DIAPH2: variants seen among roughly 807,000 people sequenced by gnomAD.
The protein encoded by DIAPH2 is diaphanous related formin 2, also known as protein diaphanous homolog 2.
Under a neutral mutation model 92.7 loss-of-function variants are expected in DIAPH2, and 35 were observed. The observed-to-expected ratio is 0.38, with a 90% CI of 0.29 to 0.50. The LOEUF (loss-of-function observed/expected upper bound fraction) is 0.50. Ranked by LOEUF, DIAPH2 falls within the 20% of genes least tolerant of loss-of-function variation. The pLI, the probability that DIAPH2 is intolerant of heterozygous loss-of-function variation, is 0.94. For synonymous variants in DIAPH2, 301 were observed against 280.4 expected, an observed-to-expected ratio of 1.07 and a Z score of -0.73; for missense variants, 701 against 819.5, an observed-to-expected ratio of 0.86 and a Z score of 1.77.
chrX:96,733,461 G>A (rs2064068347), intron 1 of DIAPH2, among the ~76,000 whole-genome samples: 1 of 111,187 alleles, frequency 9.0e-6, no homozygotes, highest in Admixed American at 9.6e-5. Context: ...TGTGACTGGA[G>A]CTGGGGGAAT....
At chrX:97,457,555 G>C (rs149037558) in intron 26 of DIAPH2, among the ~76,000 whole-genome samples, 1,856 of 111,756 alleles carry the variant, frequency 0.017, 45 homozygotes, top group African/African-American at 0.058. Flanking sequence ...GATCGTTTCA[G>C]TGTCTCTCAT....
chrX:96,752,569 TAGG>T (rs1474038069), intron 3 of DIAPH2, among the ~76,000 whole-genome samples: 1 of 111,802 alleles, frequency 8.9e-6, no homozygotes, highest in African/African-American at 3.3e-5. Context: ...TCAGGTGCTT[TAGG>T]AGAAGTCTTC....
chrX:97,152,855 A>G (rs951267797), intron 22 of DIAPH2, among the ~76,000 whole-genome samples: 10 of 104,259 alleles, frequency 9.6e-5, no homozygotes, highest in Admixed American at 5.1e-4. Flanking sequence ...TTTTAAGTTT[A>G]AGATTCATTG....
At chrX:97,218,018 A>G (rs1459982958) in intron 22 of DIAPH2, among the ~76,000 whole-genome samples, 1 of 112,115 alleles carries the variant, frequency 8.9e-6, no homozygotes, top group African/African-American at 3.2e-5. Flanking sequence ...CTTAAAATTT[A>G]AAGCCAAGAC....
chrX:97,052,050 G>A (rs2066523920), intron 17 of DIAPH2, among the ~76,000 whole-genome samples: 1 of 111,534 alleles, frequency 9.0e-6, no homozygotes, highest in South Asian at 3.7e-4. Context: ...GACTAAGCTA[G>A]ACTTGGACCC....
chrX:97,422,651 G>A (rs1224511548), intron 25 of DIAPH2, among the ~76,000 whole-genome samples: 1 of 111,735 alleles, frequency 8.9e-6, no homozygotes, highest in East Asian at 2.8e-4. Flanking sequence ...CCTCGGTTAA[G>A]ATTTTAGGAA....
At chrX:97,128,109 A>C (rs923076836) in intron 21 of DIAPH2, among the ~76,000 whole-genome samples, 1 of 111,683 alleles carries the variant, frequency 9.0e-6, no homozygotes, top group Non-Finnish European at 1.9e-5. Context: ...GTTTATTAAG[A>C]AAGTAAAAGA....
At position 96,958,166 on chromosome X, in the gene DIAPH2, G is replaced by GA. The variant is rs2065824502; in HGVS notation, c.1935+18_1935+19insA. On this transcript the variant is annotated intron_variant, in intron 16 of 26. Transcript: ENST00000324765. ...GGTCAAAGGTAATACTAAAACTAGAGTTTTTTTACTTTGTCTAGCTTTTGT... is the reference window on the plus strand; with the variant it reads ...GGTCAAAGGTAATACTAAAACTAGAGATTTTTTTACTTTGTCTAGCTTTTGT... 2 of 1,193,605 alleles carry GA rather than the reference G, an allele frequency of 1.7e-6. No homozygotes were observed. Among genetic ancestry groups the GA allele is most frequent in the Non-Finnish European group, 2.2e-6 (2 of 890,647 alleles).
At chrX:97,485,172 G>A (rs1447912213) in intron 26 of DIAPH2, among the ~76,000 whole-genome samples, 2 of 111,920 alleles carry the variant, frequency 1.8e-5, no homozygotes, top group African/African-American at 6.5e-5. Context: ...GTGACTAGTA[G>A]CACCACCTGT....
At chrX:97,514,816 C>G (rs185491991) in intron 26 of DIAPH2, among the ~76,000 whole-genome samples, 3,036 of 110,978 alleles carry the variant, frequency 0.027, 35 homozygotes, top group Middle Eastern at 0.042. Flanking sequence ...CCCAGTTAGG[C>G]TGCTCGGGGG....
chrX:97,181,087 T>C (rs753964993), intron 22 of DIAPH2, among the ~76,000 whole-genome samples: 2 of 110,702 alleles, frequency 1.8e-5, no homozygotes, highest in East Asian at 5.7e-4. Context: ...TGTTGTTGTT[T>C]TTGATGGGTT....
At position 97,323,408 on chromosome X, in the gene DIAPH2, G is replaced by A. The variant is rs1210970584; in HGVS notation, c.2845-24708G>A. 3.0e-5 allele frequency among the ~76,000 whole-genome samples: 3 copies of A among 99,558 alleles called. No homozygotes were observed. The East Asian group carries it at 1.0e-3, about 34-fold the overall frequency. 86.5% of individuals were successfully genotyped at this position (99,558 alleles called of 115,157 possible). A position where few individuals can be genotyped will look rare whatever the true frequency, so the allele number is the denominator to read the frequency against. ...AGATCGAGACCATCCTGGCGAACAC[G>A]GTGAAACCCTGTCTCTACTAAAAAT... On this transcript the variant is annotated intron_variant, in intron 23 of 26. Coordinates refer to ENST00000324765, the MANE Select transcript of DIAPH2 (RefSeq NM_006729.5).
chrX:97,455,336 G>T (rs1419264941), intron 26 of DIAPH2, among the ~76,000 whole-genome samples: 4 of 112,126 alleles, frequency 3.6e-5, no homozygotes, highest in Non-Finnish European at 7.5e-5. Context: ...GATGGGCATG[G>T]AAACAAATAT....
chrX:96,947,369 AC>A (rs2065744543), intron 14 of DIAPH2, among the ~76,000 whole-genome samples: 1 of 111,138 alleles, frequency 9.0e-6, no homozygotes, highest in African/African-American at 3.3e-5. Flanking sequence ...AAATCTTAAC[AC>A]GGATAGTAGT....
At chrX:96,909,648 T>C (rs775289017) in intron 5 of DIAPH2, among the ~76,000 whole-genome samples, 17 of 111,743 alleles carry the variant, frequency 1.5e-4, no homozygotes, top group Non-Finnish European at 3.2e-4. Context: ...AGACTCTTAC[T>C]AGGCCTCCTC....
intron 4 of DIAPH2, among the ~76,000 whole-genome samples, chrX:96,857,988 C>G (rs1183490321): frequency 1.8e-5 from 2 of 112,258 alleles, no homozygotes; most frequent in Non-Finnish European, 3.8e-5. Flanking sequence ...AAAACCAGAT[C>G]TAAATTTCTT....
chrX:96,919,946 G>A (rs148944018), intron 9 of DIAPH2, among the ~76,000 whole-genome samples: 1,869 of 109,167 alleles, frequency 0.017, 38 homozygotes, highest in African/African-American at 0.059. Context: ...TGCGATGGAC[G>A]TGATCTCAGC....
At chrX:96,970,074 A>G (rs904237546) in intron 17 of DIAPH2, among the ~76,000 whole-genome samples, 4 of 112,055 alleles carry the variant, frequency 3.6e-5, no homozygotes, top group Non-Finnish European at 7.5e-5. Context: ...AGCCTACTTG[A>G]TCTTGCCAGA....
At chrX:96,985,546 A>G (rs1385057504) in intron 17 of DIAPH2, among the ~76,000 whole-genome samples, 1 of 110,841 alleles carries the variant, frequency 9.0e-6, no homozygotes, top group Non-Finnish European at 1.9e-5. Context: ...ATACTGTTAT[A>G]TAAGGAATGA....
Sources: allele counts gnomAD v4.1 joint callset (sites outside exome capture counted in the v4.1 genomes callset), GRCh38; gene constraint gnomAD v4.1.1; transcripts MANE v1.5; gene names NCBI Gene and HGNC (gene_info 2026-07-23, HGNC 2026-07-21).